Variants in TSEN2 observed in about 807,000 individuals in gnomAD.
TSEN2 encodes tRNA-splicing endonuclease subunit Sen2.
In TSEN2, 54 loss-of-function variants were observed where a neutral mutation model predicts 59.2. That is an observed-to-expected ratio of 0.91 (90% CI 0.73 to 1.14). TSEN2 has a LOEUF of 1.14. Ranked by LOEUF, TSEN2 falls within the 50% of genes most tolerant of loss-of-function variation. The pLI is 0.00. For synonymous variants in TSEN2, 195 were observed against 198.2 expected (o/e 0.98, Z 0.14); for missense variants, 636 against 576.2 (o/e 1.10, Z -1.06).
rs1418411141 is a variant in TSEN2 at position 12,532,989 on chromosome 3, A to G, written c.*268A>G. The G allele has an allele frequency of 5.6e-6, 3 of 537,782 alleles. No individual in the cohort carries two copies. Among genetic ancestry groups the G allele is most frequent in the Non-Finnish European group, 1.0e-5 (3 of 301,048 alleles). The allele number at this position is 537,782 out of a possible 1,614,324, so 33.3% of individuals were successfully genotyped here. ...CTGGCGTCAGTCTTTTCCCTCATCC[A>G]CTCACTGGGGAGATTGGACTAGAGG... On this transcript the variant is annotated 3_prime_UTR_variant, in exon 12 of 12. Coordinates refer to ENST00000284995, the MANE Select transcript of TSEN2 (RefSeq NM_025265.4).
chr3:12,508,166 C>T (rs1205251018), intron 6 of TSEN2, among the ~76,000 whole-genome samples: 2 of 152,150 alleles, frequency 1.3e-5, no homozygotes, highest in Non-Finnish European at 2.9e-5. Context: ...GTGTCAGATG[C>T]TGGGAGTTCA....
intron 10 of TSEN2, chr3:12,530,689 T>C: frequency 1.0e-6 from 1 of 985,440 alleles, no homozygotes; most frequent in South Asian, 4.7e-5. Context: ...AGCTTGGTCC[T>C]ATAGAAAATT....
downstream of TSEN2, among the ~76,000 whole-genome samples, chr3:12,537,661 G>C (rs750181470): frequency 6.6e-6 from 1 of 152,102 alleles, no homozygotes; most frequent in Non-Finnish European, 1.5e-5. Context: ...CTGCAGTGTG[G>C]CCCAGGGGTT....
chr3:12,507,016 A>G (rs1242605959), intron 6 of TSEN2, among the ~76,000 whole-genome samples: 2 of 152,128 alleles, frequency 1.3e-5, no homozygotes, highest in Non-Finnish European at 2.9e-5. Flanking sequence ...AACATGGTGA[A>G]ACCCCATCTC....
chr3:12,505,285 A>G (rs922213277), intron 6 of TSEN2, 54 bp downstream of exon 6: 9 of 1,069,110 alleles, frequency 8.4e-6, no homozygotes, highest in Non-Finnish European at 1.3e-5. Context: ...CCTGAACTAC[A>G]CTATATGTGA....
intron 4 of TSEN2, among the ~76,000 whole-genome samples, chr3:12,497,046 T>C (rs1286735061): frequency 6.6e-6 from 1 of 152,248 alleles, no homozygotes; most frequent in Admixed American, 6.5e-5. Context: ...ATCCTGCTCA[T>C]GCCTGACCTC....
In TSEN2 at chr3:12,505,146, C is replaced by T. The variant is rs1011638618; in HGVS notation, c.832-8C>T. 2 of 1,563,558 alleles carry T rather than the reference C, an allele frequency of 1.3e-6. No homozygotes were observed. Among genetic ancestry groups the T allele is most frequent in the African/African-American group, 2.7e-5 (2 of 73,856 alleles). ...TGTTCTGTATATATTGTATTTCTTT[C>T]TCTTTAGTTGGTGCAAAGAAACAGG... On this transcript the variant is annotated splice_polypyrimidine_tract_variant and splice_region_variant and intron_variant, in intron 5 of 11. Transcript: ENST00000284995.
chr3:12,515,517 A>G (rs2055974109), intron 6 of TSEN2, among the ~76,000 whole-genome samples: 1 of 152,196 alleles, frequency 6.6e-6, no homozygotes, highest in Non-Finnish European at 1.5e-5. Context: ...ACTGGCTACC[A>G]TTTGGTCACT....
At chr3:12,506,572 C>A in intron 6 of TSEN2, 1 of 444,346 alleles carries the variant, frequency 2.3e-6, no homozygotes, top group Non-Finnish European at 3.0e-6. Context: ...AAGCGAGATC[C>A]TGTTTCAAAA....
chr3:12,499,463 A>G (rs146344033), intron 4 of TSEN2, among the ~76,000 whole-genome samples: 1 of 152,344 alleles, frequency 6.6e-6, no homozygotes, highest in Non-Finnish European at 1.5e-5. Flanking sequence ...TGTGATAGAG[A>G]TACCATCACC....
chr3:12,503,323 A>G lies in TSEN2; in HGVS notation c.370A>G (p.Thr124Ala). ...GCGTAGACAGGGGCAGGATGAGAGTACAGTGCGCAGAATCCTCAAGGATTA... is the reference window on the plus strand; with the variant it reads ...GCGTAGACAGGGGCAGGATGAGAGTGCAGTGCGCAGAATCCTCAAGGATTA... ...LMRRQGQDES[T>A]VRRILKDYTK... The change falls in exon 5 of 12, where the codon ACA becomes GCA. Residue 124 changes from threonine (T) to alanine (A), a missense_variant. Physicochemically the swap from Thr to Ala is moderately conservative, Grantham distance 58. Coordinates refer to ENST00000284995, the MANE Select transcript of TSEN2 (RefSeq NM_025265.4). The G allele has an allele frequency of 1.2e-6, 2 of 1,614,240 alleles. No individual in the cohort carries two copies.
chr3:12,480,630 G>A (rs1410864211), upstream of TSEN2, among the ~76,000 whole-genome samples: 1 of 143,846 alleles, frequency 7.0e-6, no homozygotes, highest in South Asian at 2.1e-4. Context: ...TCCTGGGTTC[G>A]AGTGATTCTC....
chr3:12,484,445 T>G (rs1441720363), upstream of TSEN2: 1 of 152,244 alleles, frequency 6.6e-6, no homozygotes, highest in Non-Finnish European at 1.5e-5. Flanking sequence ...GCGGCCGCAC[T>G]GCTTGACGGC....
At chr3:12,494,527 A>C (rs991904904) in intron 3 of TSEN2, among the ~76,000 whole-genome samples, 2 of 152,016 alleles carry the variant, frequency 1.3e-5, no homozygotes, top group African/African-American at 4.8e-5. Context: ...CTCCTGGGTG[A>C]GTAGCTGGGA....
intron 3 of TSEN2, among the ~76,000 whole-genome samples, chr3:12,493,346 T>G (rs1381963946): frequency 6.6e-6 from 1 of 152,214 alleles, no homozygotes; most frequent in Non-Finnish European, 1.5e-5. Flanking sequence ...GCTAAACTAT[T>G]TTCCACATTG....
At chr3:12,520,146 C>T (rs1052864697) in intron 8 of TSEN2, among the ~76,000 whole-genome samples, 1 of 152,070 alleles carries the variant, frequency 6.6e-6, no homozygotes, top group Non-Finnish European at 1.5e-5. Context: ...ATACAGGCGC[C>T]CGCCATCACA....
intron 9 of TSEN2, among the ~76,000 whole-genome samples, chr3:12,529,465 CAA>C (rs36043558): frequency 1.3e-4 from 14 of 105,666 alleles, no homozygotes; most frequent in Admixed American, 2.2e-4. Flanking sequence ...GACTCCGTCT[CAA>C]AAAAAAAAAA....
exon 11 of TSEN2, chr3:12,539,387 G>A: frequency 3.3e-6 from 1 of 303,098 alleles, no homozygotes; most frequent in South Asian, 2.6e-5. Context: ...GCCCGCCTTG[G>A]CCTCCCAAAG....
upstream of TSEN2, among the ~76,000 whole-genome samples, chr3:12,480,458 CACTT>C (rs1389679018): frequency 6.6e-6 from 1 of 151,868 alleles, no homozygotes; most frequent in Non-Finnish European, 1.5e-5. Flanking sequence ...CTCCAACCGA[CACTT>C]ACTGTTGGTT....
Sources: gnomAD v4.1 joint callset for allele counts (sites outside exome capture counted in the v4.1 genomes callset) on GRCh38, gnomAD v4.1.1 for gene constraint, MANE v1.5 for transcripts, NCBI Gene and HGNC (gene_info 2026-07-23, HGNC 2026-07-21) for gene names.